The following NTN1 variants were observed in gnomAD, a reference collection of about 807,000 sequenced individuals.
The protein encoded by NTN1 is netrin 1, also known as netrin-1.
A neutral mutation model predicts 54.2 loss-of-function variants in NTN1; 11 were observed. The observed-to-expected ratio is 0.20, with a 90% CI of 0.13 to 0.34. The LOEUF is 0.34. NTN1 is among the 10% of genes least tolerant of loss of function. The pLI, the probability that NTN1 is intolerant of heterozygous loss-of-function variation, is 1.00. For synonymous variants in NTN1, 371 were observed against 382.0 expected, an observed-to-expected ratio of 0.97 and a Z score of 0.33; for missense variants, 740 against 893.1, an observed-to-expected ratio of 0.83 and a Z score of 2.18.
At chr17:9,172,014 G>C (rs965027408) in intron 3 of NTN1, among the ~76,000 whole-genome samples, 3 of 148,400 alleles carry the variant, frequency 2.0e-5, no homozygotes. Flanking sequence ...TCACCCTCCC[G>C]AGTAGCTGGG....
intron 2 of NTN1, among the ~76,000 whole-genome samples, chr17:9,027,462 G>A (rs1036239755): frequency 2.6e-5 from 4 of 152,114 alleles, no homozygotes; most frequent in Non-Finnish European, 4.4e-5. Context: ...CCAGCCTGAC[G>A]TTTGTGCTTT....
At chr17:9,031,731 G>A (rs1319641696) in intron 2 of NTN1, among the ~76,000 whole-genome samples, 1 of 152,064 alleles carries the variant, frequency 6.6e-6, no homozygotes, top group Non-Finnish European at 1.5e-5. Flanking sequence ...GATTATTTGA[G>A]GTCGGGAGTT....
At chr17:9,183,045 G>A (rs2092423538) in intron 5 of NTN1, 76 bp downstream of exon 5, 7 of 1,482,880 alleles carry the variant, frequency 4.7e-6, no homozygotes, top group Admixed American at 1.7e-5. Flanking sequence ...ATGGGGAAGG[G>A]GCATTGGAAA....
Position 9,211,419 on chromosome 17 carries a change from G to A in NTN1, c.1412-9749G>A, listed in dbSNP as rs1024749427. ...CTGTCATCATTTCCTGAGTGTCACC[G>A]TCAGGAATGGGAGTGATGACACTCG... On this transcript the variant is annotated intron_variant, in intron 5 of 6. Coordinates refer to ENST00000173229, the MANE Select transcript of NTN1 (RefSeq NM_004822.3). The surrounding 1 kb of genome is among the most constrained non-coding windows in gnomAD (Gnocchi z 4.4). Among the ~76,000 whole-genome samples, 28 of 152,096 alleles carry A rather than the reference G, an allele frequency of 1.8e-4. No individual in the cohort carries two copies. The highest frequency in any genetic ancestry group is 2.7e-4 in the African/African-American group (11 of 41,390).
intron 2 of NTN1, among the ~76,000 whole-genome samples, chr17:9,161,538 GGGA>G (rs2092357063): frequency 6.6e-6 from 1 of 152,098 alleles, no homozygotes; most frequent in South Asian, 2.1e-4. Flanking sequence ...CCAGCACTTT[GGGA>G]GGCTGAGGTG....
intron 2 of NTN1, among the ~76,000 whole-genome samples, chr17:9,153,532 G>A (rs1187810920): frequency 6.6e-6 from 1 of 152,200 alleles, no homozygotes; most frequent in Non-Finnish European, 1.5e-5. Context: ...CCAAGCTGGA[G>A]CATCATCACA....
At chr17:9,160,411 T>A (rs4791809) in intron 2 of NTN1, among the ~76,000 whole-genome samples, 85,338 of 151,846 alleles carry the variant, frequency 0.56, 24,122 homozygotes, top group African/African-American at 0.59. Flanking sequence ...AGCCCGGACA[T>A]CTTTTAAACA....
At position 9,231,477 on chromosome 17, in the gene NTN1, C is replaced by T. The variant is rs117108580; in HGVS notation, c.1487-8163C>T. ...GAAGCAGATTTTGAAGATGGCTTGA[C>T]TTTTAGGAGCTGACGAGTTCCGAGC... On this transcript the variant is annotated intron_variant, in intron 6 of 6. Transcript: ENST00000173229. Among the ~76,000 whole-genome samples the T allele has an allele frequency of 5.6e-4, 85 of 152,312 alleles. No individual in the cohort carries two copies. In the East Asian group the frequency reaches 0.014, roughly 25 times the overall value.
intron 2 of NTN1, among the ~76,000 whole-genome samples, chr17:9,148,621 G>A (rs1477789468): frequency 6.6e-6 from 1 of 152,076 alleles, no homozygotes; most frequent in African/African-American, 2.4e-5. Flanking sequence ...CTGGCAACCC[G>A]AGTCTAGTCG....
At chr17:9,231,298 G>GGC (rs1298906207) in intron 6 of NTN1, among the ~76,000 whole-genome samples, 1 of 104,372 alleles carries the variant, frequency 9.6e-6, no homozygotes, top group Non-Finnish European at 2.3e-5. Flanking sequence ...GGGTACCCGG[G>GGC]GGGGGACCCC....
intron 6 of NTN1, among the ~76,000 whole-genome samples, chr17:9,232,985 C>G (rs575852533): frequency 6.6e-6 from 1 of 152,206 alleles, no homozygotes; most frequent in East Asian, 1.9e-4. Context: ...TATTCTCCCC[C>G]TCATTTGTCC....
At chr17:9,106,204 A>C (rs930506023) in intron 2 of NTN1, among the ~76,000 whole-genome samples, 9 of 152,184 alleles carry the variant, frequency 5.9e-5, no homozygotes, top group Non-Finnish European at 1.3e-4. Flanking sequence ...CTTCCAGCCC[A>C]CTGCCTCACC....
chr17:9,211,997 A>G lies in NTN1; in HGVS notation c.1412-9171A>G, dbSNP rs1425606839. ...CCATAGGTTGCTAAGCTCCTTGGCC[A>G]GTCCATTGCTAGAAGATGCTTCATT... On this transcript the variant is annotated intron_variant, in intron 5 of 6. Transcript: ENST00000173229. This position sits in a 1 kb window ranked among gnomAD's most constrained non-coding sequence, Gnocchi z 4.4. Among the ~76,000 whole-genome samples the G allele has an allele frequency of 3.3e-5, 5 of 152,228 alleles. No individual in the cohort carries two copies. Among genetic ancestry groups the G allele is most frequent in the Non-Finnish European group, 7.3e-5 (5 of 68,040 alleles).
At chr17:9,170,152 C>T (rs540881757) in intron 3 of NTN1, among the ~76,000 whole-genome samples, 2 of 152,148 alleles carry the variant, frequency 1.3e-5, no homozygotes, top group Non-Finnish European at 2.9e-5. Flanking sequence ...TCAGGCTCCA[C>T]CTCTGGAGGC....
intron 2 of NTN1, among the ~76,000 whole-genome samples, chr17:9,098,503 C>T (rs2092139381): frequency 1.3e-5 from 2 of 152,240 alleles, no homozygotes; most frequent in African/African-American, 4.8e-5. Context: ...CTGTCTGATG[C>T]AGCAGGTGGA....
At chr17:9,183,182 T>G (rs1235334175) in intron 5 of NTN1, 1 of 688,874 alleles carries the variant, frequency 1.5e-6, no homozygotes, top group East Asian at 2.7e-5. Flanking sequence ...ATGGAGGAGA[T>G]TTTAATGATG....
At position 9,159,081 on chromosome 17, in the gene NTN1, G is replaced by T. The variant is rs1442348319; in HGVS notation, c.1019-3732G>T. Among the ~76,000 whole-genome samples the T allele has an allele frequency of 2.6e-5, 4 of 152,100 alleles. No homozygotes were observed. The South Asian group carries it at 6.2e-4, about 24-fold the overall frequency. On this transcript the variant is annotated intron_variant, in intron 2 of 6. Coordinates refer to ENST00000173229, the MANE Select transcript of NTN1 (RefSeq NM_004822.3). The stretch of plus-strand genomic sequence containing the variant: ...TTAAAGAGGCACATGTTTTTCTAAA[G>T]ATCACAAATTAAAGTAACATGTGAA...
intron 5 of NTN1, among the ~76,000 whole-genome samples, chr17:9,196,340 C>T (rs969447507): frequency 6.6e-6 from 1 of 152,220 alleles, no homozygotes; most frequent in South Asian, 2.1e-4. Context: ...CGCCAGGCAG[C>T]CTTGCTCTTG....
chr17:9,078,987 G>A (rs1347497009), intron 2 of NTN1, among the ~76,000 whole-genome samples: 1 of 152,214 alleles, frequency 6.6e-6, no homozygotes, highest in Admixed American at 6.5e-5. Context: ...GAACATCCAG[G>A]GATGCCCCCA....
Sources: gnomAD v4.1 joint callset for allele counts (sites outside exome capture counted in the v4.1 genomes callset) on GRCh38, gnomAD v4.1.1 for gene constraint, Gnocchi (gnomAD v3.1) non-coding constraint, MANE v1.5 for transcripts, NCBI Gene and HGNC (gene_info 2026-07-23, HGNC 2026-07-21) for gene names.